MAG: variants seen among roughly 807,000 people sequenced by gnomAD.
MAG encodes myelin-associated glycoprotein.
In MAG, 30 loss-of-function variants were observed where a neutral mutation model predicts 60.7. That is an observed-to-expected ratio of 0.49 (90% CI 0.37 to 0.67). The LOEUF (loss-of-function observed/expected upper bound fraction) is 0.67, where lower values mean the gene tolerates loss of function less well. Ranked by LOEUF, MAG falls within the 30% of genes least tolerant of loss-of-function variation. The pLI, the probability that MAG is intolerant of heterozygous loss-of-function variation, is 0.00. For missense variants in MAG, 795 were observed against 851.7 expected (o/e 0.93, Z 0.83); for synonymous variants, 384 against 376.8 (o/e 1.02, Z -0.22).
intron 9 of MAG, 29 bp downstream of exon 9, chr19:35,310,672 A>T (rs762223278): frequency 6.2e-7 from 1 of 1,606,220 alleles, no homozygotes; most frequent in Non-Finnish European, 8.5e-7. Flanking sequence ...TGATCTGGGG[A>T]TGGGAGTCTC....
intron 7 of MAG, 199 bp from the exon 8 acceptor site, chr19:35,309,675 C>G (rs1196758048): frequency 1.1e-5 from 7 of 612,064 alleles, no homozygotes; most frequent in African/African-American, 9.2e-5. Flanking sequence ...GCAGTGAAAA[C>G]AGGCAGCCGG....
chr19:35,296,778 AC>A (rs1411201624), intron 4 of MAG, among the ~76,000 whole-genome samples: 1 of 151,726 alleles, frequency 6.6e-6, no homozygotes, highest in Admixed American at 6.6e-5. Flanking sequence ...GAAATCACAC[AC>A]TACACACTGC....
At chr19:35,297,943 CACACACACCACACCAA>C (rs534461537) in intron 4 of MAG, among the ~76,000 whole-genome samples, 1,742 of 149,226 alleles carry the variant, frequency 0.012, 17 homozygotes, top group Middle Eastern at 0.026. Context: ...ACATGCTACA[CACACACACCACACCAA>C]ACACACACCA....
chr19:35,312,429 G>T, intron 10 of MAG: 1 of 1,079,802 alleles, frequency 9.3e-7, no homozygotes, highest in Non-Finnish European at 1.4e-6. Context: ...GTGGTCTCTG[G>T]TGATGTCCGG....
chr19:35,299,611 G>C lies in MAG; in HGVS notation c.473G>C (p.Ser158Thr). 6.2e-7 allele frequency: 1 copy of C among 1,608,742 alleles called. No individual in the cohort carries two copies. Among genetic ancestry groups the C allele is most frequent in the Non-Finnish European group, 8.5e-7 (1 of 1,176,546 alleles). ...GTGGCAGGCACGGAGGTGGAGGTCA[G>C]CTGCATGGTGCCGGACAACTGCCCA... ...EVVAGTEVEVSCMVPDNCPEL... is the reference protein window; with the variant it reads ...EVVAGTEVEVTCMVPDNCPEL... Residue 158 changes from serine to threonine, a missense_variant, in exon 5 of 11, where the codon AGC (serine) becomes ACC (threonine). Coordinates refer to ENST00000392213, the MANE Select transcript of MAG (RefSeq NM_002361.4).
At chr19:35,297,993 C>T (rs2066414982) in intron 4 of MAG, among the ~76,000 whole-genome samples, 1 of 149,114 alleles carries the variant, frequency 6.7e-6, no homozygotes, top group Admixed American at 6.7e-5. Flanking sequence ...CCACACACCA[C>T]ACACTGCACA....
chr19:35,313,292 C>A lies in MAG; in HGVS notation c.1719C>A (p.Ser573Arg). ...TAATGGGCGGTTTCCCCTCTTAGAG[C>A]GAGAGGCGCCTGGGATCTGAGAGGA... ...RISGAPEKYE[S>R]ERRLGSERRL... The change falls in exon 11 of 11, where the codon AGC becomes AGA. Residue 573 changes from serine (S) to arginine (R), a missense_variant and splice_region_variant. Ser to Arg is a moderately radical substitution (Grantham distance 110). Transcript: ENST00000392213. 3 of 1,612,642 alleles carry A rather than the reference C, an allele frequency of 1.9e-6. No homozygotes were observed. The highest frequency in any genetic ancestry group is 2.5e-6 in the Non-Finnish European group (3 of 1,179,336).
At chr19:35,306,695 C>T (rs1216529662) in intron 7 of MAG, among the ~76,000 whole-genome samples, 1 of 152,226 alleles carries the variant, frequency 6.6e-6, no homozygotes, top group Non-Finnish European at 1.5e-5. Flanking sequence ...GCCTTGGCCT[C>T]CCAAAGTGCT....
intron 6 of MAG, 85 bp from the exon 7 acceptor site, chr19:35,302,363 T>A: frequency 6.5e-7 from 1 of 1,535,798 alleles, no homozygotes; most frequent in Non-Finnish European, 8.9e-7. Flanking sequence ...TGGGGTGGGA[T>A]CTGGGGTCAT....
intron 6 of MAG, among the ~76,000 whole-genome samples, chr19:35,301,288 C>G (rs977491440): frequency 6.6e-6 from 1 of 152,206 alleles, no homozygotes; most frequent in Non-Finnish European, 1.5e-5. Context: ...AAGAAGGGAG[C>G]TGGTCAGAAG....
At chr19:35,296,683 G>T (rs562397059) in intron 4 of MAG, among the ~76,000 whole-genome samples, 1 of 151,732 alleles carries the variant, frequency 6.6e-6, no homozygotes, top group East Asian at 2.0e-4. Flanking sequence ...GGAGTCCTCA[G>T]CGCTGAGTCC....
At chr19:35,310,275 A>G in intron 8 of MAG, 114 bp downstream of exon 8, 1 of 1,345,444 alleles carries the variant, frequency 7.4e-7, no homozygotes, top group South Asian at 1.5e-5. Flanking sequence ...ATTGACAGAA[A>G]GGTCAAATTC....
chr19:35,297,754 C>T (rs1294167078), intron 4 of MAG, among the ~76,000 whole-genome samples: 2 of 149,314 alleles, frequency 1.3e-5, no homozygotes, highest in African/African-American at 5.0e-5. Flanking sequence ...ACACACACTA[C>T]ACCCTATATA....
At chr19:35,308,232 G>A (rs1356939398) in intron 7 of MAG, among the ~76,000 whole-genome samples, 1 of 152,218 alleles carries the variant, frequency 6.6e-6, no homozygotes, top group Non-Finnish European at 1.5e-5. Flanking sequence ...GTAGAGGCCA[G>A]TTTGGAGCGA....
rs1037960989 is a variant in MAG at position 35,293,925 on chromosome 19, C to T, written c.-79-310C>T. On this transcript the variant is annotated intron_variant, in intron 1 of 10. Coordinates refer to ENST00000392213, the MANE Select transcript of MAG (RefSeq NM_002361.4). This position sits in a 1 kb window ranked among gnomAD's most constrained non-coding sequence, Gnocchi z 4.0. ...TCATTGATGGCTCTGGGTCCCTGCCCGCCACCCCCAGGCCCCGGCCGTGGG... is the reference window on the plus strand; with the variant it reads ...TCATTGATGGCTCTGGGTCCCTGCCTGCCACCCCCAGGCCCCGGCCGTGGG... 1.3e-5 allele frequency among the ~76,000 whole-genome samples: 2 copies of T among 152,014 alleles called. No individual in the cohort carries two copies. Among genetic ancestry groups the T allele is most frequent in the Admixed American group, 6.6e-5 (1 of 15,260 alleles).
intron 6 of MAG, 95 bp from the exon 7 acceptor site, chr19:35,302,353 T>TG (rs1474915518): frequency 2.7e-6 from 4 of 1,472,472 alleles, no homozygotes; most frequent in East Asian, 4.7e-5. Context: ...GTGCTAGGTT[T>TG]GGGGTGGGAT....
rs779534441 is a variant in MAG, at chr19:35,300,263, G to A, written c.829G>A (p.Gly277Arg). 13 of 1,598,412 alleles carry A rather than the reference G, an allele frequency of 8.1e-6. No homozygotes were observed. The highest frequency in any genetic ancestry group is 1.1e-5 in the Non-Finnish European group (13 of 1,177,448). Reference sequence around the variant, plus strand: ...GCCGCTGCTGACCTGGATGCGGGACGGGACAGTCCTCCGGGAGGCGGTGGC... The same window carrying A: ...GCCGCTGCTGACCTGGATGCGGGACAGGACAGTCCTCCGGGAGGCGGTGGC... The part of the protein sequence containing the change: ...PPPLLTWMRD[G>R]TVLREAVAES... The change falls in exon 6 of 11, where the codon GGG becomes AGG. Residue 277 changes from glycine to arginine, a missense_variant. Gly to Arg is a moderately radical substitution (Grantham distance 125). Coordinates refer to ENST00000392213, the MANE Select transcript of MAG (RefSeq NM_002361.4).
At chr19:35,312,390 A>G (rs2066535057) in intron 10 of MAG, 4 of 1,425,888 alleles carry the variant, frequency 2.8e-6, no homozygotes, top group Non-Finnish European at 3.9e-6. Flanking sequence ...GTTGGCGTGC[A>G]TGTCCGTGTG....
intron 9 of MAG, among the ~76,000 whole-genome samples, chr19:35,311,464 T>A (rs1347452529): frequency 2.6e-5 from 4 of 151,836 alleles, no homozygotes; most frequent in Non-Finnish European, 5.9e-5. Context: ...ACCCTGTCTC[T>A]AAAAACAAAC....
Sources: allele counts gnomAD v4.1 joint callset (sites outside exome capture counted in the v4.1 genomes callset), GRCh38; gene constraint gnomAD v4.1.1; non-coding constraint Gnocchi (gnomAD v3.1); transcripts MANE v1.5; gene names NCBI Gene and HGNC (gene_info 2026-07-23, HGNC 2026-07-21).